DMGDH: variants seen among roughly 807,000 people sequenced by gnomAD.
The protein encoded by DMGDH is dimethylglycine dehydrogenase, mitochondrial.
DMGDH carries 76 observed loss-of-function variants against 95.2 expected under a neutral mutation model. The observed-to-expected ratio is 0.80, with a 90% CI of 0.66 to 0.97. The LOEUF is 0.97. Ranked by LOEUF, DMGDH falls within the 50% of genes least tolerant of loss-of-function variation. The probability of loss-of-function intolerance (pLI) is 0.00; values close to 1 mark genes in which losing one functional copy is unlikely to be tolerated. For missense variants in DMGDH, 987 were observed against 1,055.0 expected (o/e 0.94, Z 0.89); for synonymous variants, 345 against 377.6 (o/e 0.91, Z 1.00).
intron 15 of DMGDH, 91 bp from the exon 16 acceptor site, chr5:78,998,388 A>C (rs899910086): frequency 2.3e-6 from 3 of 1,298,686 alleles, no homozygotes; most frequent in African/African-American, 1.5e-5. Context: ...TACAGATTCA[A>C]CTTACAAAAT....
chr5:79,052,575 C>A (rs1244925804), intron 4 of DMGDH, among the ~76,000 whole-genome samples: 31 of 152,278 alleles, frequency 2.0e-4, no homozygotes, highest in Non-Finnish European at 2.9e-5. Context: ...ATGGATAGGA[C>A]CTCGTTGTAG....
chr5:79,028,147 T>G (rs1223220843), intron 12 of DMGDH, among the ~76,000 whole-genome samples: 2 of 151,706 alleles, frequency 1.3e-5, no homozygotes, highest in Non-Finnish European at 2.9e-5. Context: ...GCCCCCACTT[T>G]TTTTTTATCT....
At position 79,010,437 on chromosome 5, in the gene DMGDH, A is replaced by C. The variant is rs77223109; in HGVS notation, c.2251-5030T>G. On this transcript the variant is annotated intron_variant, in intron 14 of 15. Transcript: ENST00000255189. ...CTTTTCCATCTATATGGAGTCAAAA[A>C]CCCATCAGAAAATCCAAAGAAGTCA... Among the ~76,000 whole-genome samples, 604 of 152,268 alleles carry C rather than the reference A, an allele frequency of 4.0e-3. 1 individual carries two copies. The highest frequency in any genetic ancestry group is 0.014 in the African/African-American group (562 of 41,546).
chr5:79,030,832 C>T lies in DMGDH; in HGVS notation c.1683+1G>A. ...CCTTGTATCCCTACAAGGCTATTTACCTTTGGAATGACATTTGCAAAGAGA... is the reference window on the plus strand; with the variant it reads ...CCTTGTATCCCTACAAGGCTATTTATCTTTGGAATGACATTTGCAAAGAGA... On this transcript the variant is annotated splice_donor_variant, in intron 10 of 15. Transcript: ENST00000255189. LOFTEE classifies it high-confidence loss of function. 6.2e-7 allele frequency: 1 copy of T among 1,613,838 alleles called. No individual in the cohort carries two copies. Among genetic ancestry groups the T allele is most frequent in the Non-Finnish European group, 8.5e-7 (1 of 1,179,912 alleles).
chr5:79,039,017 C>T (rs940643150), intron 7 of DMGDH, among the ~76,000 whole-genome samples: 3 of 151,232 alleles, frequency 2.0e-5, no homozygotes, highest in Non-Finnish European at 4.4e-5. Context: ...GATACCATCT[C>T]ACACCAGTTA....
In DMGDH at chr5:79,000,753, C is replaced by T; in HGVS notation, c.2386-2456G>A. On this transcript the variant is annotated intron_variant, in intron 15 of 15. Coordinates refer to ENST00000255189, the MANE Select transcript of DMGDH (RefSeq NM_013391.3). ...TTTCACCAATATTCTGTCATTTTCTCATTAAATATTTTGGGAGGAAAAGAA... is the reference window on the plus strand; with the variant it reads ...TTTCACCAATATTCTGTCATTTTCTTATTAAATATTTTGGGAGGAAAAGAA... 4 of 630,944 alleles carry T rather than the reference C, an allele frequency of 6.3e-6. No homozygotes were observed. The South Asian group carries it at 6.5e-5, about 10-fold the overall frequency. The allele number at this position is 630,944 out of a possible 1,614,324, so 39.1% of individuals were successfully genotyped here.
intron 7 of DMGDH, among the ~76,000 whole-genome samples, chr5:79,035,051 C>T (rs61322023): frequency 6.3e-5 from 4 of 63,114 alleles, no homozygotes; most frequent in African/African-American, 2.6e-4. Context: ...AGCGAGACTC[C>T]ATCTCAAAAA....
chr5:79,020,760 A>T (rs548052027), intron 14 of DMGDH: 1 of 984,426 alleles, frequency 1.0e-6, no homozygotes, highest in Middle Eastern at 5.2e-4. Flanking sequence ...AGGGAAAGAG[A>T]GGGAGAAGGA....
intron 10 of DMGDH, chr5:79,030,418 G>A (rs956312502): frequency 2.4e-4 from 59 of 249,992 alleles, no homozygotes; most frequent in Middle Eastern, 1.6e-3. Flanking sequence ...TTGGGAGGCT[G>A]AGGCGGGTGG....
chr5:79,024,792 G>A (rs1026216880), intron 13 of DMGDH, among the ~76,000 whole-genome samples: 4 of 152,260 alleles, frequency 2.6e-5, no homozygotes, highest in African/African-American at 4.8e-5. Flanking sequence ...AAAGGAATAA[G>A]CGGAGTTTGA....
intron 2 of DMGDH, among the ~76,000 whole-genome samples, chr5:79,057,519 ATT>A (rs58120939): frequency 1.4e-5 from 2 of 146,500 alleles, no homozygotes; most frequent in African/African-American, 2.5e-5. Context: ...TCCATGGCTG[ATT>A]TTTTTTTTTT....
In DMGDH at chr5:79,042,500, G is replaced by C; in HGVS notation, c.995-19C>G. On this transcript the variant is annotated intron_variant, in intron 6 of 15. Transcript: ENST00000255189. ...CCAAAACCTAAAAAGATTTGCCCTT[G>C]TGGTCAGGATGCCGTAGCTGAGCTG... The C allele has an allele frequency of 6.2e-7, 1 of 1,613,584 alleles. No individual in the cohort carries two copies. Among genetic ancestry groups the C allele is most frequent in the South Asian group, 1.1e-5 (1 of 91,080 alleles).
At chr5:79,019,055 G>A (rs1275589796) in intron 14 of DMGDH, among the ~76,000 whole-genome samples, 1 of 151,986 alleles carries the variant, frequency 6.6e-6, no homozygotes, top group African/African-American at 2.4e-5. Context: ...CAATTATGTG[G>A]CTCATAAAGA....
intron 5 of DMGDH, among the ~76,000 whole-genome samples, chr5:79,048,561 C>T (rs1754747002): frequency 6.6e-6 from 1 of 152,186 alleles, no homozygotes; most frequent in African/African-American, 2.4e-5. Flanking sequence ...CCACCAGCCA[C>T]ACACTCTCCA....
Position 79,030,880 on chromosome 5 carries a change from C to A in DMGDH, c.1636G>T (p.Asp546Tyr). Residue 546 changes from aspartate (D) to tyrosine (Y), a missense_variant, in exon 10 of 16, where the codon GAT becomes TAT. Transcript: ENST00000255189. ...PFGKFNIKGQ[D>Y]SIRLLDHLFA... Reference sequence around the variant, plus strand: ...AGATGGTCCAGTAGTCTAATGGAATCTTGGCCTTTGATGTTAAACTTGCCA... The same window carrying A: ...AGATGGTCCAGTAGTCTAATGGAATATTGGCCTTTGATGTTAAACTTGCCA... 4 of 1,614,074 alleles carry A rather than the reference C, an allele frequency of 2.5e-6. No homozygotes were observed. Among genetic ancestry groups the A allele is most frequent in the Non-Finnish European group, 3.4e-6 (4 of 1,179,990 alleles).
At chr5:79,061,037 C>T (rs960747237) in intron 2 of DMGDH, among the ~76,000 whole-genome samples, 2 of 151,844 alleles carry the variant, frequency 1.3e-5, no homozygotes, top group Non-Finnish European at 2.9e-5. Context: ...GCCTGGACAA[C>T]GTAGGGAGAC....
intron 1 of DMGDH, among the ~76,000 whole-genome samples, chr5:79,064,365 A>T (rs1249031543): frequency 6.6e-6 from 1 of 151,944 alleles, no homozygotes; most frequent in Non-Finnish European, 1.5e-5. Flanking sequence ...AAGGAAAAAA[A>T]AAAAAAGATT....
Position 79,024,302 on chromosome 5 carries a change from G to C in DMGDH, c.2219C>G (p.Ala740Gly), listed in dbSNP as rs993087177. 1.2e-6 allele frequency: 2 copies of C among 1,613,584 alleles called. No homozygotes were observed. Among genetic ancestry groups the C allele is most frequent in the Admixed American group, 3.3e-5 (2 of 60,010 alleles). ...TAACTTCACAAAATATTCCAGTCCA[G>C]CTTCCAAAGGATTTGTATCACAGTT... ...EMNCDTNPLE[A>G]GLEYFVKLNK... Residue 740 changes from alanine (A) to glycine (G), a missense_variant, in exon 14 of 16, where the codon GCT becomes GGT. By Grantham distance (60) the Ala-to-Gly change is moderately conservative. Coordinates refer to ENST00000255189, the MANE Select transcript of DMGDH (RefSeq NM_013391.3).
chr5:79,000,295 T>G, intron 15 of DMGDH: 4 of 666,764 alleles, frequency 6.0e-6, no homozygotes, highest in Non-Finnish European at 1.1e-5. Flanking sequence ...ATGAAGAAGA[T>G]GCCCACCAGC....
Sources: allele counts gnomAD v4.1 joint callset (sites outside exome capture counted in the v4.1 genomes callset), GRCh38; gene constraint gnomAD v4.1.1; transcripts MANE v1.5; gene names NCBI Gene and HGNC (gene_info 2026-07-23, HGNC 2026-07-21).